Variants in IMMP2L observed in about 807,000 individuals in gnomAD.
The protein encoded by IMMP2L is inner mitochondrial membrane peptidase subunit 2, also known as mitochondrial inner membrane protease subunit 2.
IMMP2L carries 18 observed loss-of-function variants against 19.3 expected under a neutral mutation model. The ratio of observed to expected loss-of-function variants is 0.93; its 90% confidence interval spans 0.64 to 1.38. IMMP2L has a LOEUF of 1.38. IMMP2L is among the 40% of genes most tolerant of loss of function. IMMP2L has a pLI of 0.00. For missense variants in IMMP2L, 233 were observed against 218.2 expected (o/e 1.07, Z -0.43); for synonymous variants, 76 against 73.0 (o/e 1.04, Z -0.21).
At chr7:110,891,168 A>T (rs2046681902) in intron 4 of IMMP2L, among the ~76,000 whole-genome samples, 1 of 151,706 alleles carries the variant, frequency 6.6e-6, no homozygotes, top group East Asian at 1.9e-4. Flanking sequence ...ACCAGAAGTC[A>T]GGGGCTCTGG....
At chr7:111,413,082 A>T (rs2131531594) in intron 3 of IMMP2L, among the ~76,000 whole-genome samples, 1 of 53,728 alleles carries the variant, frequency 1.9e-5, no homozygotes, top group East Asian at 2.4e-4. Context: ...AGACATCGAA[A>T]CAAAAACAGA....
chr7:110,796,097 T>G (rs1035017089), intron 5 of IMMP2L, among the ~76,000 whole-genome samples: 2 of 152,074 alleles, frequency 1.3e-5, no homozygotes, highest in African/African-American at 2.4e-5. Flanking sequence ...TCTCATTTCT[T>G]CCTGCTGCCA....
At chr7:110,837,589 T>C (rs1033633222) in intron 5 of IMMP2L, among the ~76,000 whole-genome samples, 4 of 152,096 alleles carry the variant, frequency 2.6e-5, no homozygotes, top group African/African-American at 9.7e-5. Flanking sequence ...AGGGTTCTAT[T>C]TGGTATAGAG....
intron 3 of IMMP2L, among the ~76,000 whole-genome samples, chr7:111,327,397 T>C (rs1166418754): frequency 1.3e-5 from 2 of 151,752 alleles, no homozygotes; most frequent in Admixed American, 6.6e-5. Flanking sequence ...ATAAAAAGTG[T>C]CACTGTAACT....
rs554134314 is a variant in IMMP2L, at chr7:110,957,763, C to A, written c.305+5737G>T. The stretch of plus-strand genomic sequence containing the variant: ...TCCTCAGAGATTAGTATGACTCTTT[C>A]CCTGTCTTCCTTAATTCATGAGTCT... On this transcript the variant is annotated intron_variant, in intron 4 of 5. Transcript: ENST00000405709. 1.1e-4 allele frequency among the ~76,000 whole-genome samples: 17 copies of A among 152,054 alleles called. No individual in the cohort carries two copies. The South Asian group carries it at 3.1e-3, about 28-fold the overall frequency.
chr7:111,370,540 A>G (rs918000394), intron 3 of IMMP2L, among the ~76,000 whole-genome samples: 2 of 152,030 alleles, frequency 1.3e-5, no homozygotes, highest in Admixed American at 1.3e-4. Flanking sequence ...TTCCCTGTGC[A>G]GTTGACATAG....
At chr7:110,945,336 A>G (rs1217417625) in intron 4 of IMMP2L, among the ~76,000 whole-genome samples, 1 of 152,002 alleles carries the variant, frequency 6.6e-6, no homozygotes, top group African/African-American at 2.4e-5. Context: ...TAAGAAAGGG[A>G]AATCAGTTAG....
intron 5 of IMMP2L, among the ~76,000 whole-genome samples, chr7:110,703,582 C>G (rs760658099): frequency 6.6e-6 from 1 of 152,064 alleles, no homozygotes; most frequent in Non-Finnish European, 1.5e-5. Context: ...GATAAATATA[C>G]AAAATCAGTT....
chr7:111,224,710 T>G (rs1222011837), intron 3 of IMMP2L, among the ~76,000 whole-genome samples: 1 of 152,108 alleles, frequency 6.6e-6, no homozygotes, highest in African/African-American at 2.4e-5. Flanking sequence ...ATAATGATAT[T>G]AAAATGTTAT....
chr7:111,185,802 A>C (rs1388867216), intron 3 of IMMP2L, among the ~76,000 whole-genome samples: 1 of 152,226 alleles, frequency 6.6e-6, no homozygotes, highest in Admixed American at 6.5e-5. Flanking sequence ...TGAGAAGTAT[A>C]AACAGATATG....
intron 3 of IMMP2L, among the ~76,000 whole-genome samples, chr7:111,063,151 T>A (rs950634533): frequency 6.6e-6 from 1 of 152,178 alleles, no homozygotes; most frequent in African/African-American, 2.4e-5. Context: ...TTTCCATAAA[T>A]CCTCTGAAAT....
At chr7:111,384,277 A>AAGGAGAG (rs1563127090) in intron 3 of IMMP2L, among the ~76,000 whole-genome samples, 3 of 145,722 alleles carry the variant, frequency 2.1e-5, no homozygotes, top group Non-Finnish European at 3.0e-5. Flanking sequence ...AGAGAGGAGA[A>AAGGAGAG]AGGAGAAAGG....
chr7:111,241,999 G>A (rs1254100551), intron 3 of IMMP2L, among the ~76,000 whole-genome samples: 1 of 151,952 alleles, frequency 6.6e-6, no homozygotes, highest in Non-Finnish European at 1.5e-5. Flanking sequence ...CATGGAAAAT[G>A]CCTTTAACCA....
intron 1 of IMMP2L, among the ~76,000 whole-genome samples, chr7:111,527,473 TTATTTC>T (rs1329781418): frequency 6.6e-6 from 1 of 151,876 alleles, no homozygotes; most frequent in African/African-American, 2.4e-5. Context: ...CCAGAATTCT[TTATTTC>T]TATAACTTTT....
At chr7:111,166,840 C>G (rs1805874821) in intron 3 of IMMP2L, among the ~76,000 whole-genome samples, 1 of 152,132 alleles carries the variant, frequency 6.6e-6, no homozygotes, top group Admixed American at 6.6e-5. Flanking sequence ...CACCTCTTCT[C>G]TGTGTGTCTC....
At chr7:111,317,994 T>C (rs2130433277) in intron 3 of IMMP2L, among the ~76,000 whole-genome samples, 1 of 152,288 alleles carries the variant, frequency 6.6e-6, no homozygotes, top group Admixed American at 6.5e-5. Context: ...CAATCTGCCC[T>C]TTAATGAGCA....
At chr7:111,343,310 T>C (rs1036652201) in intron 3 of IMMP2L, among the ~76,000 whole-genome samples, 1 of 152,090 alleles carries the variant, frequency 6.6e-6, no homozygotes, top group African/African-American at 2.4e-5. Flanking sequence ...CTCACTTCTG[T>C]GACTTTTCCT....
intron 3 of IMMP2L, among the ~76,000 whole-genome samples, chr7:110,994,910 A>C (rs1486519924): frequency 6.6e-6 from 1 of 152,142 alleles, no homozygotes; most frequent in Non-Finnish European, 1.5e-5. Context: ...CACAGAAAGG[A>C]ACATGGTGGC....
At chr7:110,947,068 G>A (rs1337192894) in intron 4 of IMMP2L, among the ~76,000 whole-genome samples, 1 of 152,034 alleles carries the variant, frequency 6.6e-6, no homozygotes, top group Non-Finnish European at 1.5e-5. Flanking sequence ...TTTACAAAAG[G>A]AAATAAAAGG....
Sources: gnomAD v4.1 joint callset for allele counts (sites outside exome capture counted in the v4.1 genomes callset) on GRCh38, gnomAD v4.1.1 for gene constraint, MANE v1.5 for transcripts, NCBI Gene and HGNC (gene_info 2026-07-23, HGNC 2026-07-21) for gene names.